SLC39A11: variants seen among roughly 807,000 people sequenced by gnomAD.
The protein encoded by SLC39A11 is solute carrier family 39 member 11, also known as zinc transporter ZIP11.
SLC39A11 carries 33 observed loss-of-function variants against 36.1 expected under a neutral mutation model. That is an observed-to-expected ratio of 0.91 (90% CI 0.69 to 1.22). SLC39A11 has a LOEUF of 1.22. Ranked by LOEUF, SLC39A11 falls within the 50% of genes most tolerant of loss-of-function variation. The probability of loss-of-function intolerance (pLI) is 0.00; values close to 1 mark genes in which losing one functional copy is unlikely to be tolerated. For missense variants in SLC39A11, 432 were observed against 430.3 expected, an observed-to-expected ratio of 1.00 and a Z score of -0.03; for synonymous variants, 166 against 170.3, an observed-to-expected ratio of 0.97 and a Z score of 0.20.
In SLC39A11 at chr17:73,088,669, G is replaced by A. The variant is rs1599246671; in HGVS notation, c.96C>T (p.Phe32=). The change falls in exon 2 of 10, where the codon TTC becomes TTT. Residue 32 remains phenylalanine (F), a synonymous_variant. Transcript: ENST00000255559. The part of the protein sequence containing the change: ...TAAGAALVFV[F]SSGQRRILDG... ...CAAGGCAACTCACCTGTCCACTAGA[G>A]AATACGAACACGAGAGCTGCCCCAG... 4 of 1,612,044 alleles carry A rather than the reference G, an allele frequency of 2.5e-6. No individual in the cohort carries two copies. Among genetic ancestry groups the A allele is most frequent in the Non-Finnish European group, 2.5e-6 (3 of 1,179,096 alleles).
intron 4 of SLC39A11, among the ~76,000 whole-genome samples, chr17:73,026,517 C>CAAAAAAAAAAAA (rs548390962): frequency 1.3e-5 from 1 of 75,534 alleles, no homozygotes; most frequent in African/African-American, 4.0e-5. Context: ...GAAACTACAT[C>CAAAAAAAAAAAA]AAAAAAAAAA....
rs1568105777 is a variant in SLC39A11 at position 73,004,214 on chromosome 17, A to AGGAAAGAAAGAAAG, written c.306+27341_306+27342insCTTTCTTTCTTTCC. Among the ~76,000 whole-genome samples the AGGAAAGAAAGAAAG allele has an allele frequency of 5.2e-3, 677 of 129,938 alleles. 35 individuals carry two copies. Among genetic ancestry groups the AGGAAAGAAAGAAAG allele is most frequent in the East Asian group, 0.01 (39 of 3,770 alleles). 85.2% of individuals were successfully genotyped at this position (129,938 alleles called of 152,430 possible). On this transcript the variant is annotated intron_variant, in intron 4 of 9. Coordinates refer to ENST00000255559, the MANE Select transcript of SLC39A11 (RefSeq NM_139177.4). Reference sequence around the variant, plus strand: ...AAGAAAGAAAGAAAGAAAGAAAGAAAGAAAGAAAGAAAGAAAGAAAAGAAA... The same window carrying AGGAAAGAAAGAAAG: ...AAGAAAGAAAGAAAGAAAGAAAGAAAGGAAAGAAAGAAAGGAAAGAAAGAAAGAAAGAAAAGAAA...
At chr17:72,776,533 C>T (rs1167482971) in intron 6 of SLC39A11, among the ~76,000 whole-genome samples, 1 of 134,186 alleles carries the variant, frequency 7.5e-6, no homozygotes, top group Non-Finnish European at 1.6e-5. Context: ...ATTAATTTGT[C>T]TTTTAAAATT....
At chr17:73,079,825 A>C (rs1400099880) in intron 3 of SLC39A11, among the ~76,000 whole-genome samples, 1 of 152,240 alleles carries the variant, frequency 6.6e-6, no homozygotes, top group Non-Finnish European at 1.5e-5. Flanking sequence ...ATGTATACAT[A>C]TCAGTAGCTC....
chr17:72,754,360 T>G (rs1243790112), intron 6 of SLC39A11, among the ~76,000 whole-genome samples: 1 of 152,048 alleles, frequency 6.6e-6, no homozygotes, highest in Non-Finnish European at 1.5e-5. Flanking sequence ...GCTCGGGTAG[T>G]GGGTGCCCAA....
chr17:72,768,282 T>C (rs1210863547), intron 6 of SLC39A11, among the ~76,000 whole-genome samples: 17 of 152,252 alleles, frequency 1.1e-4, no homozygotes, highest in Admixed American at 1.1e-3. Flanking sequence ...CAGTTGAGTT[T>C]CGGAGAAGGG....
At chr17:72,945,060 GAT>G (rs2085348330) in intron 5 of SLC39A11, among the ~76,000 whole-genome samples, 1 of 152,034 alleles carries the variant, frequency 6.6e-6, no homozygotes, top group Non-Finnish European at 1.5e-5. Context: ...TGGATGGATG[GAT>G]GGATGGATGG....
intron 5 of SLC39A11, among the ~76,000 whole-genome samples, chr17:72,874,716 T>A (rs2080807249): frequency 6.6e-6 from 1 of 152,164 alleles, no homozygotes; most frequent in Non-Finnish European, 1.5e-5. Context: ...AGCAGAAGTA[T>A]CCTTGATGGA....
At chr17:73,037,747 C>G (rs1342326437) in intron 3 of SLC39A11, among the ~76,000 whole-genome samples, 1 of 152,202 alleles carries the variant, frequency 6.6e-6, no homozygotes, top group Non-Finnish European at 1.5e-5. Flanking sequence ...CGCTGTACCC[C>G]CAAAGTCTTT....
chr17:72,999,083 G>T (rs1024633516), intron 4 of SLC39A11, among the ~76,000 whole-genome samples: 1 of 152,168 alleles, frequency 6.6e-6, no homozygotes, highest in African/African-American at 2.4e-5. Flanking sequence ...CTGATGTGAC[G>T]TAAGCACGGC....
At chr17:72,838,128 A>C (rs2078648408) in intron 6 of SLC39A11, 1 of 435,568 alleles carries the variant, frequency 2.3e-6, no homozygotes, top group African/African-American at 2.0e-5. Context: ...CTACTGGAAG[A>C]AAAAAATTAA....
chr17:72,788,741 T>C (rs2076599957), intron 6 of SLC39A11, among the ~76,000 whole-genome samples: 1 of 152,234 alleles, frequency 6.6e-6, no homozygotes, highest in South Asian at 2.1e-4. Flanking sequence ...CTCTCCCAAC[T>C]AAACCTAAGT....
chr17:72,895,029 C>A (rs1274395698), intron 5 of SLC39A11, among the ~76,000 whole-genome samples: 1 of 150,696 alleles, frequency 6.6e-6, no homozygotes, highest in Non-Finnish European at 1.5e-5. Context: ...TGATTTGCTT[C>A]ATTGATTAAC....
intron 4 of SLC39A11, among the ~76,000 whole-genome samples, chr17:73,019,996 A>G (rs2058289113): frequency 6.6e-6 from 1 of 152,208 alleles, no homozygotes; most frequent in African/African-American, 2.4e-5. Context: ...CTTCAGGACA[A>G]AAAGTATTAT....
intron 6 of SLC39A11, among the ~76,000 whole-genome samples, chr17:72,776,743 T>C (rs1279332975): frequency 1.3e-5 from 2 of 151,930 alleles, no homozygotes; most frequent in Non-Finnish European, 2.9e-5. Context: ...TCTGATTTCA[T>C]CCTCACAACA....
intron 3 of SLC39A11, among the ~76,000 whole-genome samples, chr17:73,073,178 C>T (rs2060216310): frequency 6.6e-6 from 1 of 151,964 alleles, no homozygotes; most frequent in Non-Finnish European, 1.5e-5. Flanking sequence ...GGACTCCACC[C>T]CAAAAATAAA....
At chr17:72,955,629 C>T (rs781241500) in intron 4 of SLC39A11, among the ~76,000 whole-genome samples, 3 of 151,984 alleles carry the variant, frequency 2.0e-5, no homozygotes, top group Middle Eastern at 3.2e-3. Context: ...TTTTCTTAAG[C>T]ATCTCAAAGC....
At chr17:73,053,964 GCTGC>G (rs2059586726) in intron 3 of SLC39A11, among the ~76,000 whole-genome samples, 1 of 152,178 alleles carries the variant, frequency 6.6e-6, no homozygotes, top group Non-Finnish European at 1.5e-5. Context: ...AGGATTTCTT[GCTGC>G]CTATTTTGAG....
At chr17:73,000,804 G>A (rs1302299002) in intron 4 of SLC39A11, among the ~76,000 whole-genome samples, 1 of 152,212 alleles carries the variant, frequency 6.6e-6, no homozygotes, top group Non-Finnish European at 1.5e-5. Context: ...TATTAAGGCT[G>A]AGGCTTTGAA....
Sources: allele counts gnomAD v4.1 joint callset (sites outside exome capture counted in the v4.1 genomes callset), GRCh38; gene constraint gnomAD v4.1.1; transcripts MANE v1.5; gene names NCBI Gene and HGNC (gene_info 2026-07-23, HGNC 2026-07-21).